PTPRD: variants seen among roughly 807,000 people sequenced by gnomAD.
PTPRD encodes receptor-type tyrosine-protein phosphatase delta.
PTPRD carries 34 observed loss-of-function variants against 214.5 expected under a neutral mutation model. The ratio of observed to expected loss-of-function variants is 0.16; its 90% CI spans 0.12 to 0.21. PTPRD has a LOEUF of 0.21. Ranked by LOEUF, PTPRD falls within the 10% of genes least tolerant of loss-of-function variation. The probability of loss-of-function intolerance (pLI) is 1.00; values close to 1 mark genes in which losing one functional copy is unlikely to be tolerated. For synonymous variants in PTPRD, 1,128 were observed against 845.7 expected, an observed-to-expected ratio of 1.33 and a Z score of -5.79; for missense variants, 2,545 against 2,398.7, an observed-to-expected ratio of 1.06 and a Z score of -1.27.
chr9:8,595,376 A>G (rs1459635265), intron 14 of PTPRD, among the ~76,000 whole-genome samples: 1 of 152,096 alleles, frequency 6.6e-6, no homozygotes, highest in Non-Finnish European at 1.5e-5. Flanking sequence ...TGAACCATAT[A>G]CCTATGTTGA....
intron 2 of PTPRD, among the ~76,000 whole-genome samples, chr9:10,347,223 C>G (rs1002812730): frequency 5.9e-5 from 9 of 151,936 alleles, no homozygotes; most frequent in Non-Finnish European, 1.2e-4. Flanking sequence ...CAGAACTAGT[C>G]CTGCCTCTAT....
At chr9:8,423,269 T>C (rs1304072091) in intron 35 of PTPRD, among the ~76,000 whole-genome samples, 1 of 152,202 alleles carries the variant, frequency 6.6e-6, no homozygotes, top group East Asian at 1.9e-4. Context: ...ATACTGTTCA[T>C]TTTAACAGAA....
At chr9:8,754,195 A>G (rs1244571147) in intron 11 of PTPRD, among the ~76,000 whole-genome samples, 1 of 152,212 alleles carries the variant, frequency 6.6e-6, no homozygotes, top group African/African-American at 2.4e-5. Context: ...AAGTTTATCT[A>G]TGAATTCACT....
intron 4 of PTPRD, among the ~76,000 whole-genome samples, chr9:9,954,060 G>A (rs2154005229): frequency 6.6e-6 from 1 of 152,114 alleles, no homozygotes; most frequent in South Asian, 2.1e-4. Flanking sequence ...ACTTTGGGAG[G>A]CGGAGGCAGG....
intron 7 of PTPRD, among the ~76,000 whole-genome samples, chr9:9,624,172 C>T (rs2095340629): frequency 6.6e-6 from 1 of 152,112 alleles, no homozygotes; most frequent in Admixed American, 6.5e-5. Flanking sequence ...TTGCCATCAT[C>T]TTACATTGTA....
chr9:8,589,083 T>C (rs1464809767), intron 14 of PTPRD, among the ~76,000 whole-genome samples: 1 of 152,214 alleles, frequency 6.6e-6, no homozygotes, highest in Admixed American at 6.5e-5. Flanking sequence ...TTGAGTGATA[T>C]ATAAGTATAT....
intron 2 of PTPRD, among the ~76,000 whole-genome samples, chr9:10,347,498 C>T (rs1265365180): frequency 1.3e-5 from 2 of 150,066 alleles, no homozygotes; most frequent in African/African-American, 4.9e-5. Flanking sequence ...GCAACCTCTG[C>T]CCCCTGGGTT....
intron 7 of PTPRD, among the ~76,000 whole-genome samples, chr9:9,602,729 C>T (rs189415804): frequency 1.3e-5 from 2 of 151,870 alleles, no homozygotes; most frequent in Admixed American, 1.3e-4. Flanking sequence ...ATCTTATTCC[C>T]GTCTGGATAA....
At chr9:9,219,149 T>C (rs965324235) in intron 9 of PTPRD, among the ~76,000 whole-genome samples, 1 of 152,124 alleles carries the variant, frequency 6.6e-6, no homozygotes, top group Admixed American at 6.6e-5. Flanking sequence ...TACAGATATT[T>C]AAATATTGGA....
chr9:8,826,714 G>A (rs2097183205), intron 11 of PTPRD, among the ~76,000 whole-genome samples: 1 of 150,778 alleles, frequency 6.6e-6, no homozygotes, highest in Admixed American at 6.6e-5. Context: ...TGGACGGTAA[G>A]CCCCTTAATG....
At chr9:8,985,164 T>C (rs2099333888) in intron 11 of PTPRD, among the ~76,000 whole-genome samples, 1 of 152,084 alleles carries the variant, frequency 6.6e-6, no homozygotes, top group South Asian at 2.1e-4. Flanking sequence ...AGATTTGAAA[T>C]ACATATTGTT....
chr9:10,531,305 A>G (rs1364731736), intron 2 of PTPRD, among the ~76,000 whole-genome samples: 1 of 152,164 alleles, frequency 6.6e-6, no homozygotes, highest in East Asian at 1.9e-4. Context: ...AAAGATCTAC[A>G]TCATATTACA....
chr9:8,555,099 A>G (rs932093891), intron 14 of PTPRD, among the ~76,000 whole-genome samples: 5 of 152,198 alleles, frequency 3.3e-5, no homozygotes, highest in African/African-American at 1.2e-4. Flanking sequence ...TCCCAGAATA[A>G]GTCAGATGCC....
At chr9:9,656,925 C>A (rs117070554) in intron 7 of PTPRD, among the ~76,000 whole-genome samples, 1 of 151,780 alleles carries the variant, frequency 6.6e-6, no homozygotes, top group East Asian at 1.9e-4. Flanking sequence ...TCTCTGTGAA[C>A]CTACAACTGC....
intron 9 of PTPRD, among the ~76,000 whole-genome samples, chr9:9,203,173 C>G (rs373129515): frequency 6.6e-6 from 1 of 151,740 alleles, no homozygotes; most frequent in African/African-American, 2.4e-5. Context: ...GAGGTTGCAG[C>G]GAGCCGAGAT....
intron 4 of PTPRD, among the ~76,000 whole-genome samples, chr9:9,968,064 C>G (rs1428045329): frequency 6.6e-6 from 1 of 152,134 alleles, no homozygotes; most frequent in African/African-American, 2.4e-5. Context: ...TAAATGTACA[C>G]AGGTCCATTA....
intron 10 of PTPRD, among the ~76,000 whole-genome samples, chr9:9,109,774 C>T (rs1448652306): frequency 2.0e-5 from 3 of 152,072 alleles, no homozygotes; most frequent in South Asian, 4.1e-4. Context: ...TGTTTAATAT[C>T]AACATTTATT....
At chr9:8,740,245 T>C (rs1164991816) in intron 11 of PTPRD, among the ~76,000 whole-genome samples, 1 of 152,138 alleles carries the variant, frequency 6.6e-6, no homozygotes, top group Non-Finnish European at 1.5e-5. Flanking sequence ...AGAAATAGTG[T>C]TAACGAATGT....
At chr9:10,428,768 A>C (rs2098649274) in intron 2 of PTPRD, among the ~76,000 whole-genome samples, 1 of 152,084 alleles carries the variant, frequency 6.6e-6, no homozygotes, top group Non-Finnish European at 1.5e-5. Context: ...ATAATGAGTG[A>C]CTGTATTTGT....
Sources: allele counts gnomAD v4.1 joint callset (sites outside exome capture counted in the v4.1 genomes callset), GRCh38; gene constraint gnomAD v4.1.1; transcripts MANE v1.5; gene names NCBI Gene and HGNC (gene_info 2026-07-23, HGNC 2026-07-21).